The following ATL1 variants were observed in gnomAD, a reference collection of about 807,000 sequenced individuals.
ATL1 encodes the protein atlastin-1.
ATL1 carries 31 observed loss-of-function variants against 75.5 expected under a neutral mutation model. That is an observed-to-expected ratio of 0.41 (90% CI 0.31 to 0.55). The LOEUF is 0.55. Among genes scored for constraint, ATL1 ranks in the 20% least tolerant of loss-of-function variants. The pLI is 0.27. For missense variants in ATL1, 405 were observed against 662.6 expected (o/e 0.61, Z 4.27); for synonymous variants, 226 against 233.3 (o/e 0.97, Z 0.28).
intron 11 of ATL1, 29 bp downstream of exon 11, chr14:50,623,277 T>A: frequency 6.4e-7 from 1 of 1,573,600 alleles, no homozygotes; most frequent in Non-Finnish European, 8.7e-7. Flanking sequence ...AAATTCTGTC[T>A]TAAACAAAAC....
intron 1 of ATL1, among the ~76,000 whole-genome samples, chr14:50,573,235 A>G (rs1323704283): frequency 6.6e-6 from 1 of 152,190 alleles, no homozygotes; most frequent in Non-Finnish European, 1.5e-5. Flanking sequence ...ATATAGAAAA[A>G]GTATGGATTT....
chr14:50,620,570 A>C (rs770512484), intron 8 of ATL1, 29 bp from the exon 9 acceptor site: 1 of 1,605,210 alleles, frequency 6.2e-7, no homozygotes, highest in South Asian at 1.1e-5. Context: ...GGATTCCAAA[A>C]ATAATAATGG....
At chr14:50,536,061 C>T (rs1228377584) in intron 1 of ATL1, among the ~76,000 whole-genome samples, 3 of 152,262 alleles carry the variant, frequency 2.0e-5, no homozygotes, top group Non-Finnish European at 2.9e-5. Context: ...TTCGCAGCCA[C>T]ATGGAACTGT....
At chr14:50,560,098 C>G, upstream of ATL1, 1 of 731,232 alleles carries the variant, frequency 1.4e-6, no homozygotes, top group Non-Finnish European at 2.3e-6. Flanking sequence ...GCTTTCTCCT[C>G]CCTTTTCCTC....
intron 6 of ATL1, among the ~76,000 whole-genome samples, chr14:50,609,760 A>G (rs185011746): frequency 6.6e-6 from 1 of 152,206 alleles, no homozygotes; most frequent in East Asian, 1.9e-4. Context: ...ATCTTGAAGA[A>G]CCATATTCTA....
chr14:50,587,334 T>C (rs1479281731), intron 1 of ATL1, among the ~76,000 whole-genome samples: 1 of 152,238 alleles, frequency 6.6e-6, no homozygotes, highest in Non-Finnish European at 1.5e-5. Context: ...AAAGAACAAA[T>C]GTAAGTCCTC....
At chr14:50,608,553 A>G (rs1378416345) in intron 6 of ATL1, among the ~76,000 whole-genome samples, 1 of 152,006 alleles carries the variant, frequency 6.6e-6, no homozygotes, top group Non-Finnish European at 1.5e-5. Context: ...GGGAGTTGGA[A>G]CGTTGCCATT....
intron 1 of ATL1, among the ~76,000 whole-genome samples, chr14:50,536,040 G>T (rs1263946710): frequency 6.6e-6 from 1 of 152,246 alleles, no homozygotes; most frequent in Non-Finnish European, 1.5e-5. Flanking sequence ...CCTCTGCCAT[G>T]ATTGTGAGGC....
chr14:50,544,354 G>A (rs890340843), intron 1 of ATL1, among the ~76,000 whole-genome samples: 3 of 152,174 alleles, frequency 2.0e-5, no homozygotes, highest in African/African-American at 7.2e-5. Flanking sequence ...CTTCCAAGTG[G>A]CTATGTCCAT....
chr14:50,591,984 AAC>A (rs1425788878), intron 4 of ATL1, among the ~76,000 whole-genome samples: 2 of 152,198 alleles, frequency 1.3e-5, no homozygotes, highest in Non-Finnish European at 2.9e-5. Flanking sequence ...TGTTTAATGA[AAC>A]AGTGTTTATA....
chr14:50,625,519 A>G (rs2039509784), intron 11 of ATL1, among the ~76,000 whole-genome samples: 1 of 152,224 alleles, frequency 6.6e-6, no homozygotes, highest in African/African-American at 2.4e-5. Context: ...AGGAGAGGTC[A>G]ATGCCTGGCT....
chr14:50,596,190 C>A (rs1566725797), intron 6 of ATL1, among the ~76,000 whole-genome samples: 1 of 152,010 alleles, frequency 6.6e-6, no homozygotes, highest in Non-Finnish European at 1.5e-5. Flanking sequence ...GAATTCTAGT[C>A]AGGCATGGTA....
At chr14:50,608,609 T>C (rs2039336057) in intron 6 of ATL1, among the ~76,000 whole-genome samples, 1 of 151,958 alleles carries the variant, frequency 6.6e-6, no homozygotes, top group African/African-American at 2.4e-5. Flanking sequence ...AAAATGAAAC[T>C]TTATATTTGC....
chr14:50,538,413 A>G (rs1405838664), intron 1 of ATL1, among the ~76,000 whole-genome samples: 2 of 152,174 alleles, frequency 1.3e-5, no homozygotes, highest in African/African-American at 2.4e-5. Context: ...GTTAACCTTT[A>G]TCGTCAGAGT....
At chr14:50,618,729 C>CT (rs2039436984) in intron 8 of ATL1, among the ~76,000 whole-genome samples, 2 of 152,126 alleles carry the variant, frequency 1.3e-5, no homozygotes. Flanking sequence ...CCTGAAAACT[C>CT]TAACTCTGCT....
At chr14:50,575,754 A>AT (rs5808558) in intron 1 of ATL1, among the ~76,000 whole-genome samples, 94 of 151,906 alleles carry the variant, frequency 6.2e-4, no homozygotes, top group African/African-American at 1.8e-3. Context: ...GGAAAAATAG[A>AT]TTTTTTTTTA....
At chr14:50,564,647 C>CAAAAAAAAAAAAAAAAA (rs60054322) in intron 1 of ATL1, among the ~76,000 whole-genome samples, 7 of 40,004 alleles carry the variant, frequency 1.7e-4, no homozygotes, top group Admixed American at 4.5e-4. Flanking sequence ...GATTCCGTCT[C>CAAAAAAAAAAAAAAAAA]AAAAAAAAAA....
At chr14:50,557,339 C>T (rs899954562), upstream of ATL1, among the ~76,000 whole-genome samples, 2 of 152,192 alleles carry the variant, frequency 1.3e-5, no homozygotes, top group Admixed American at 6.5e-5. Flanking sequence ...ACCCATCTCC[C>T]GTAGGTGACC....
intron 8 of ATL1, among the ~76,000 whole-genome samples, 176 bp downstream of exon 8, chr14:50,614,687 G>T (rs759137266): frequency 2.0e-5 from 3 of 152,150 alleles, no homozygotes; most frequent in Non-Finnish European, 4.4e-5. Flanking sequence ...TGAACTGTGG[G>T]ATTCTATGGG....
Sources: allele counts gnomAD v4.1 joint callset (sites outside exome capture counted in the v4.1 genomes callset), GRCh38; gene constraint gnomAD v4.1.1; transcripts MANE v1.5; gene names NCBI Gene and HGNC (gene_info 2026-07-23, HGNC 2026-07-21).